The following GRID2 variants were observed in gnomAD, a reference collection of about 807,000 sequenced individuals.
The protein encoded by GRID2 is glutamate receptor ionotropic, delta-2.
GRID2 carries 33 observed loss-of-function variants against 114.8 expected under a neutral mutation model. That is an observed-to-expected ratio of 0.29 (90% CI 0.22 to 0.38). GRID2 has a LOEUF of 0.38. Ranked by LOEUF, GRID2 falls within the 10% of genes least tolerant of loss-of-function variation. The pLI, the probability that GRID2 is intolerant of heterozygous loss-of-function variation, is 1.00. For missense variants in GRID2, 1,184 were observed against 1,257.7 expected, an observed-to-expected ratio of 0.94 and a Z score of 0.89; for synonymous variants, 505 against 449.9, an observed-to-expected ratio of 1.12 and a Z score of -1.55.
At chr4:92,611,060 G>A (rs13121420) in intron 2 of GRID2, among the ~76,000 whole-genome samples, 1 of 147,312 alleles carries the variant, frequency 6.8e-6, no homozygotes, top group Non-Finnish European at 1.5e-5. Context: ...ATATATATAT[G>A]TGTGTGTGTA....
chr4:92,797,888 C>T (rs1036191034), intron 2 of GRID2, among the ~76,000 whole-genome samples: 3 of 151,936 alleles, frequency 2.0e-5, no homozygotes, highest in Non-Finnish European at 4.4e-5. Flanking sequence ...CCTACACTTA[C>T]ATTCTAAAGT....
At chr4:92,766,555 AAAG>A (rs1738279975) in intron 2 of GRID2, among the ~76,000 whole-genome samples, 1 of 151,920 alleles carries the variant, frequency 6.6e-6, no homozygotes, top group South Asian at 2.1e-4. Context: ...AAAAAAAAAA[AAAG>A]GACACTTTCA....
At chr4:92,604,885 T>C (rs767620208) in intron 2 of GRID2, among the ~76,000 whole-genome samples, 2 of 152,020 alleles carry the variant, frequency 1.3e-5, no homozygotes, top group Non-Finnish European at 2.9e-5. Context: ...ATAAGCTCCA[T>C]ATTCCCCACC....
chr4:93,136,069 A>G (rs1735215182), intron 4 of GRID2, among the ~76,000 whole-genome samples: 1 of 152,190 alleles, frequency 6.6e-6, no homozygotes, highest in Admixed American at 6.6e-5. Context: ...CAGGATAATT[A>G]CTTTACTATT....
chr4:93,470,320 C>T (rs1724683577), intron 11 of GRID2, among the ~76,000 whole-genome samples: 1 of 151,978 alleles, frequency 6.6e-6, no homozygotes, highest in South Asian at 2.1e-4. Flanking sequence ...AAAGTCATTC[C>T]CAGCACTAAA....
chr4:93,048,930 G>A (rs796287178), intron 2 of GRID2, among the ~76,000 whole-genome samples: 30 of 152,164 alleles, frequency 2.0e-4, no homozygotes, highest in African/African-American at 5.8e-4. Flanking sequence ...GAGTTATTGA[G>A]ACAAATGTTA....
At chr4:93,592,114 C>G (rs1218238544) in intron 13 of GRID2, among the ~76,000 whole-genome samples, 12 of 152,074 alleles carry the variant, frequency 7.9e-5, no homozygotes, top group East Asian at 3.9e-4. Context: ...GAATTTGTTT[C>G]CTCTTGCTTT....
At chr4:93,543,742 G>GAGAGAGAGAGAGAGAGAA (rs1161737594) in intron 13 of GRID2, among the ~76,000 whole-genome samples, 1 of 150,904 alleles carries the variant, frequency 6.6e-6, no homozygotes, top group East Asian at 1.9e-4. Context: ...GAGAGAGAGA[G>GAGAGAGAGAGAGAGAGAA]AGAGAAGCAG....
rs1441643543 is a variant in GRID2, at chr4:93,177,716, T to G, written c.736-29688T>G. Reference sequence around the variant, plus strand: ...TACATAGAATCTGTCAAATTAAAACTAGGTAGTAAAATCATTTTTCTTTCA... The same window carrying G: ...TACATAGAATCTGTCAAATTAAAACGAGGTAGTAAAATCATTTTTCTTTCA... On this transcript the variant is annotated intron_variant, in intron 4 of 15. Coordinates refer to ENST00000282020, the MANE Select transcript of GRID2 (RefSeq NM_001510.4). Among the ~76,000 whole-genome samples the G allele has an allele frequency of 2.6e-5, 4 of 152,298 alleles. No individual in the cohort carries two copies. The East Asian group carries it at 7.7e-4, about 29-fold the overall frequency.
chr4:92,696,113 TA>T (rs1734413600), intron 2 of GRID2, among the ~76,000 whole-genome samples: 1 of 152,164 alleles, frequency 6.6e-6, no homozygotes, highest in South Asian at 2.1e-4. Flanking sequence ...ACATAGATTT[TA>T]AAGTGGATTT....
chr4:93,743,200 CTG>C (rs1473365592), intron 14 of GRID2, among the ~76,000 whole-genome samples: 1 of 152,206 alleles, frequency 6.6e-6, no homozygotes, highest in African/African-American at 2.4e-5. Flanking sequence ...CTCTTCAACT[CTG>C]TGGAGGCTGA....
chr4:93,007,511 T>C (rs1223203657), intron 2 of GRID2, among the ~76,000 whole-genome samples: 2 of 152,132 alleles, frequency 1.3e-5, no homozygotes, highest in Non-Finnish European at 2.9e-5. Flanking sequence ...GGTACCTTTC[T>C]GGCATCAAGA....
At chr4:92,454,938 AGTATT>A (rs1721130052) in intron 1 of GRID2, among the ~76,000 whole-genome samples, 1 of 152,208 alleles carries the variant, frequency 6.6e-6, no homozygotes, top group African/African-American at 2.4e-5. Context: ...ACCAAACTAG[AGTATT>A]TAAAAAAAAT....
At chr4:93,656,336 T>G (rs1055983398) in intron 14 of GRID2, among the ~76,000 whole-genome samples, 26 of 152,012 alleles carry the variant, frequency 1.7e-4, no homozygotes, top group African/African-American at 4.6e-4. Context: ...ATGGGGGCAT[T>G]GAGAATAATA....
At chr4:93,420,665 T>C (rs1768166057) in intron 9 of GRID2, among the ~76,000 whole-genome samples, 1 of 151,994 alleles carries the variant, frequency 6.6e-6, no homozygotes, top group African/African-American at 2.4e-5. Context: ...AATATTACTA[T>C]AATAGGAAAA....
intron 1 of GRID2, among the ~76,000 whole-genome samples, chr4:92,427,222 G>T (rs1032861464): frequency 2.0e-5 from 3 of 151,882 alleles, no homozygotes; most frequent in Non-Finnish European, 4.4e-5. Flanking sequence ...TTTCATATTG[G>T]GTTTGGCTTT....
Position 92,976,036 on chromosome 4 carries a change from A to G in GRID2, c.245-108959A>G, listed in dbSNP as rs528036019. Among the ~76,000 whole-genome samples the G allele has an allele frequency of 4.6e-5, 7 of 152,196 alleles. No homozygotes were observed. In the South Asian group the frequency reaches 1.2e-3, roughly 27 times the overall value. On this transcript the variant is annotated intron_variant, in intron 2 of 15. Coordinates refer to ENST00000282020, the MANE Select transcript of GRID2 (RefSeq NM_001510.4). ...CCAAGTTTTCATTAATTAATATACT[A>G]GATTAAATTAGTGAACATTACCATA...
At chr4:92,521,087 CT>C (rs1724750695) in intron 1 of GRID2, among the ~76,000 whole-genome samples, 5 of 151,720 alleles carry the variant, frequency 3.3e-5, no homozygotes. Flanking sequence ...CAAAAACTAC[CT>C]CAATAAATAA....
intron 8 of GRID2, among the ~76,000 whole-genome samples, chr4:93,387,752 C>T (rs1482573692): frequency 6.6e-6 from 1 of 151,240 alleles, no homozygotes; most frequent in African/African-American, 2.4e-5. Flanking sequence ...ATCGCTTGAA[C>T]CTGGGAGGCC....
Sources: gnomAD v4.1 joint callset for allele counts (sites outside exome capture counted in the v4.1 genomes callset) on GRCh38, gnomAD v4.1.1 for gene constraint, MANE v1.5 for transcripts, NCBI Gene and HGNC (gene_info 2026-07-23, HGNC 2026-07-21) for gene names.